Variants in SMCO4 observed in about 807,000 individuals in gnomAD.
The protein encoded by SMCO4 is single-pass membrane and coiled-coil domain-containing protein 4.
A neutral mutation model predicts 3.6 loss-of-function variants in SMCO4; 4 were observed. The observed-to-expected ratio is 1.11, with a 90% CI of 0.54 to 2.53. SMCO4 has a LOEUF of 2.53. SMCO4 is among the 30% of genes most tolerant of loss of function. The pLI is 0.02. For synonymous variants in SMCO4, 36 were observed against 35.3 expected (o/e 1.02, Z -0.07); for missense variants, 70 against 80.8 (o/e 0.87, Z 0.51).
intron 1 of SMCO4, among the ~76,000 whole-genome samples, chr11:93,535,227 A>G (rs968019422): frequency 6.6e-6 from 1 of 152,222 alleles, no homozygotes; most frequent in African/African-American, 2.4e-5. Context: ...CGGGAGAAAC[A>G]GAGAATGTGA....
At chr11:93,548,688 G>A in the SMCO4 span, among the ~76,000 whole-genome samples, 1 of 152,182 alleles carries the variant, frequency 6.6e-6, no homozygotes, top group Non-Finnish European at 1.5e-5. Flanking sequence ...GGAGGGTCCA[G>A]GTTCTTGGCA....
At chr11:93,552,663 G>C in the SMCO4 span, among the ~76,000 whole-genome samples, 1 of 150,642 alleles carries the variant, frequency 6.6e-6, no homozygotes, top group African/African-American at 2.4e-5. Flanking sequence ...GTAGAGACAG[G>C]GTTTCACCAT....
At chr11:93,551,476 C>T in the SMCO4 span, among the ~76,000 whole-genome samples, 1 of 152,186 alleles carries the variant, frequency 6.6e-6, no homozygotes, top group African/African-American at 2.4e-5. Context: ...CCCAGAGGTG[C>T]AGAGGCAAGA....
In SMCO4 at chr11:93,535,748, TGAA is replaced by T. The variant is rs934467818; in HGVS notation, c.-154+7525_-154+7527del. The T allele has an allele frequency of 9.3e-6, 15 of 1,611,252 alleles. 1 individual carries two copies. In the Middle Eastern group the frequency reaches 4.9e-4, roughly 53 times the overall value. ...CTCCTGAGAGCTAACATGGATGGGC[TGAA>T]GAAGAGAGACAAAAAGAACAAAACT... On this transcript the variant is annotated intron_variant, in intron 1 of 2. Transcript: ENST00000298966.
At chr11:93,506,602 C>G (rs2134604866) in intron 1 of SMCO4, among the ~76,000 whole-genome samples, 1 of 151,100 alleles carries the variant, frequency 6.6e-6, no homozygotes, top group South Asian at 2.1e-4. Context: ...CCACGTCTAG[C>G]TAATTTTTTG....
At chr11:93,486,347 T>A (rs1490567519) in intron 2 of SMCO4, among the ~76,000 whole-genome samples, 1 of 152,150 alleles carries the variant, frequency 6.6e-6, no homozygotes, top group East Asian at 1.9e-4. Context: ...CTACAAGGCA[T>A]GTGGACCAAT....
chr11:93,551,547 T>C, the SMCO4 span, among the ~76,000 whole-genome samples: 1,081 of 152,310 alleles, frequency 7.1e-3, 20 homozygotes, highest in African/African-American at 0.022. Context: ...CACTCTGCTC[T>C]CTGAATTCCT....
Position 93,478,754 on chromosome 11 carries a change from TGC to T in SMCO4, c.*254_*255del. On this transcript the variant is annotated 3_prime_UTR_variant, in exon 3 of 3. Transcript: ENST00000298966. ...ACACACACACACACACACACACACA[TGC>T]GCGCGCGCTTTGAAGTCTGAAAGGC... The T allele has an allele frequency of 1.5e-5, 7 of 467,940 alleles. No homozygotes were observed. Among genetic ancestry groups the T allele is most frequent in the South Asian group, 7.8e-5 (2 of 25,650 alleles). The allele number at this position is 467,940 out of a possible 1,614,324, so 29.0% of individuals were successfully genotyped here.
intron 1 of SMCO4, among the ~76,000 whole-genome samples, chr11:93,518,181 T>C (rs1949025812): frequency 1.3e-5 from 2 of 152,240 alleles, no homozygotes; most frequent in Admixed American, 6.5e-5. Flanking sequence ...GGATAATTTG[T>C]ATAAATGGAA....
chr11:93,521,542 A>G (rs1949058566), intron 1 of SMCO4, among the ~76,000 whole-genome samples: 1 of 152,196 alleles, frequency 6.6e-6, no homozygotes, highest in Admixed American at 6.5e-5. Context: ...ATGACACTGC[A>G]CAAACAGAAT....
intron 1 of SMCO4, among the ~76,000 whole-genome samples, chr11:93,533,040 T>G (rs1464340578): frequency 6.6e-6 from 1 of 152,184 alleles, no homozygotes; most frequent in Admixed American, 6.5e-5. Flanking sequence ...GGTGCTATAC[T>G]AATCCCAGAG....
intron 1 of SMCO4, among the ~76,000 whole-genome samples, chr11:93,512,099 T>C (rs888360699): frequency 3.9e-5 from 6 of 152,240 alleles, no homozygotes; most frequent in Non-Finnish European, 7.3e-5. Flanking sequence ...GGAATTTAAC[T>C]CTTGTTTACA....
chr11:93,533,023 A>G (rs892267059), intron 1 of SMCO4, among the ~76,000 whole-genome samples: 1 of 152,224 alleles, frequency 6.6e-6, no homozygotes, highest in East Asian at 1.9e-4. Context: ...GCTTAAAGGC[A>G]GGCAGGGGTG....
chr11:93,483,166 A>T (rs1948611522), intron 2 of SMCO4, among the ~76,000 whole-genome samples: 1 of 152,058 alleles, frequency 6.6e-6, no homozygotes, highest in Non-Finnish European at 1.5e-5. Context: ...ATGAAATAGG[A>T]GAAGGTTTCA....
intron 1 of SMCO4, among the ~76,000 whole-genome samples, chr11:93,510,972 AC>A (rs1424720057): frequency 6.6e-6 from 1 of 152,108 alleles, no homozygotes; most frequent in Non-Finnish European, 1.5e-5. Flanking sequence ...GGTGGCAGGC[AC>A]CTGTATACCC....
the SMCO4 span, among the ~76,000 whole-genome samples, chr11:93,553,812 A>T: frequency 2.6e-5 from 4 of 152,230 alleles, no homozygotes; most frequent in Non-Finnish European, 5.9e-5. Flanking sequence ...AATACCAAAA[A>T]GTCACTAGCC....
At chr11:93,502,541 T>C (rs1468441548) in intron 1 of SMCO4, among the ~76,000 whole-genome samples, 1 of 152,208 alleles carries the variant, frequency 6.6e-6, no homozygotes, top group East Asian at 1.9e-4. Flanking sequence ...CCTCAGAGTA[T>C]TGAAAATGGT....
chr11:93,479,228 T>C lies in SMCO4; in HGVS notation c.-39A>G, dbSNP rs1202023196. ...TGCTAGGAGGGTGTGTCCAGAGGGATTCCAGGAAGGGCCACACTCCTCTTG... is the reference window on the plus strand; with the variant it reads ...TGCTAGGAGGGTGTGTCCAGAGGGACTCCAGGAAGGGCCACACTCCTCTTG... On this transcript the variant is annotated 5_prime_UTR_variant, in exon 3 of 3. Transcript: ENST00000298966. The C allele has an allele frequency of 6.3e-7, 1 of 1,594,782 alleles. No homozygotes were observed. The highest frequency in any genetic ancestry group is 2.2e-5 in the East Asian group (1 of 44,626).
At chr11:93,491,277 G>C (rs1194792232) in intron 2 of SMCO4, among the ~76,000 whole-genome samples, 1 of 152,196 alleles carries the variant, frequency 6.6e-6, no homozygotes, top group Non-Finnish European at 1.5e-5. Flanking sequence ...CTCCTAACTT[G>C]CCCATCTGAA....
Sources: gnomAD v4.1 joint callset for allele counts (sites outside exome capture counted in the v4.1 genomes callset) on GRCh38, gnomAD v4.1.1 for gene constraint, MANE v1.5 for transcripts, NCBI Gene and HGNC (gene_info 2026-07-23, HGNC 2026-07-21) for gene names.